PTPRB: variants seen among roughly 807,000 people sequenced by gnomAD.
PTPRB encodes the protein protein tyrosine phosphatase receptor type B.
In PTPRB, 97 loss-of-function variants were observed where a neutral mutation model predicts 238.1. The ratio of observed to expected loss-of-function variants is 0.41; its 90% CI spans 0.35 to 0.48. The LOEUF (loss-of-function observed/expected upper bound fraction) is 0.48. Ranked by LOEUF, PTPRB falls within the 20% of genes least tolerant of loss-of-function variation. The pLI, the probability that PTPRB is intolerant of heterozygous loss-of-function variation, is 0.30. For missense variants in PTPRB, 2,292 were observed against 2,681.9 expected (o/e 0.85, Z 3.21); for synonymous variants, 970 against 995.4 (o/e 0.97, Z 0.48).
At chr12:70,582,241 T>C (rs1380102065) in intron 9 of PTPRB, among the ~76,000 whole-genome samples, 1 of 152,134 alleles carries the variant, frequency 6.6e-6, no homozygotes, top group Non-Finnish European at 1.5e-5. Context: ...TCAAAGTTCA[T>C]TGACTTCTGG....
intron 4 of PTPRB, among the ~76,000 whole-genome samples, chr12:70,597,654 A>G (rs771530315): frequency 1.3e-5 from 2 of 152,188 alleles, no homozygotes; most frequent in Non-Finnish European, 2.9e-5. Flanking sequence ...TTATAATGGC[A>G]TGGCTATAGA....
Position 70,519,742 on chromosome 12 carries a change from C to A in PTPRB, c.*1747G>T. The A allele has an allele frequency of 6.5e-6, 1 of 153,046 alleles. No individual in the cohort carries two copies. The highest frequency in any genetic ancestry group is 6.5e-5 in the Admixed American group (1 of 15,328). The allele number at this position is 153,046 out of a possible 1,614,324, so 9.5% of individuals were successfully genotyped here. A position where few individuals can be genotyped will look rare whatever the true frequency, so the allele number is the denominator to read the frequency against. On this transcript the variant is annotated 3_prime_UTR_variant, in exon 34 of 34. Coordinates refer to ENST00000334414, the MANE Select transcript of PTPRB (RefSeq NM_001109754.4). ...CACTTACACATATGTTGTTCCTTTT[C>A]ATTTCCAGAAGATTCACTTAGTTCC...
intron 8 of PTPRB, among the ~76,000 whole-genome samples, chr12:70,587,537 T>G (rs1882041987): frequency 6.6e-6 from 1 of 152,212 alleles, no homozygotes; most frequent in Non-Finnish European, 1.5e-5. Flanking sequence ...TTGTATGAAT[T>G]CTGTAATACA....
chr12:70,555,113 G>C lies in PTPRB; in HGVS notation c.5143+47C>G, dbSNP rs150933967. 503 of 1,583,318 alleles carry C rather than the reference G, an allele frequency of 3.2e-4. 8 individuals are homozygous for C. The East Asian group carries it at 0.011, about 36-fold the overall frequency. The stretch of plus-strand genomic sequence containing the variant: ...GAAAGATCTCCCACATGACCTCTGA[G>C]GAAGCAATTCTGTGTCTCAGAGTGG... On this transcript the variant is annotated intron_variant, in intron 20 of 33. Coordinates refer to ENST00000334414, the MANE Select transcript of PTPRB (RefSeq NM_001109754.4).
chr12:70,593,873 A>C (rs1466736006), intron 6 of PTPRB, among the ~76,000 whole-genome samples: 3 of 152,364 alleles, frequency 2.0e-5, no homozygotes, highest in African/African-American at 7.2e-5. Flanking sequence ...GTGAGGGCAA[A>C]GACTTTGTCT....
At position 70,594,662 on chromosome 12, in the gene PTPRB, A is replaced by G; in HGVS notation, c.1321T>C (p.Ser441Pro). 1 of 1,614,016 alleles carries G rather than the reference A, an allele frequency of 6.2e-7. No individual in the cohort carries two copies. Among genetic ancestry groups the G allele is most frequent in the Non-Finnish European group, 8.5e-7 (1 of 1,179,880 alleles). Reference sequence around the variant, plus strand: ...CGTTCCACATTCCCAGAACCATGGGACCAGGAAATCAGGAGAGAATTGGCT... The same window carrying G: ...CGTTCCACATTCCCAGAACCATGGGGCCAGGAAATCAGGAGAGAATTGGCT... The part of the protein sequence containing the change: ...TKANSLLISW[S>P]HGSGNVERYR... Residue 441 changes from serine (S) to proline (P), a missense_variant, in exon 6 of 34, where the codon TCC (serine) becomes CCC (proline). Ser to Pro is a moderately conservative substitution (Grantham distance 74). Coordinates refer to ENST00000334414, the MANE Select transcript of PTPRB (RefSeq NM_001109754.4).
In PTPRB at chr12:70,549,351, G is replaced by A. The variant is rs558509371; in HGVS notation, c.5387+3426C>T. Among the ~76,000 whole-genome samples, 6 of 152,252 alleles carry A rather than the reference G, an allele frequency of 3.9e-5. No homozygotes were observed. In the East Asian group the frequency reaches 1.2e-3, roughly 29 times the overall value. ...CTGACCACCTTACTATGGTCACACT[G>A]CTCTTCTATTTAGAATAAAAACAAA... On this transcript the variant is annotated intron_variant, in intron 21 of 33. Coordinates refer to ENST00000334414, the MANE Select transcript of PTPRB (RefSeq NM_001109754.4).
At chr12:70,547,467 T>G (rs1315206146) in intron 21 of PTPRB, among the ~76,000 whole-genome samples, 1 of 152,218 alleles carries the variant, frequency 6.6e-6, no homozygotes, top group Non-Finnish European at 1.5e-5. Context: ...GATAAGAGTT[T>G]CTTATTTATA....
chr12:70,570,910 C>G lies in PTPRB; in HGVS notation c.3370+116G>C, dbSNP rs1565958056. On this transcript the variant is annotated intron_variant, in intron 13 of 33. Coordinates refer to ENST00000334414, the MANE Select transcript of PTPRB (RefSeq NM_001109754.4). ...ATTGTCACTATCAACATGACTTTGTCCCTTCTTGCTGTCTCCCTTTTATCC... is the reference window on the plus strand; with the variant it reads ...ATTGTCACTATCAACATGACTTTGTGCCTTCTTGCTGTCTCCCTTTTATCC... The G allele has an allele frequency of 4.5e-6, 5 of 1,110,098 alleles. No homozygotes were observed. The South Asian group carries it at 7.9e-5, about 18-fold the overall frequency. 68.8% of individuals were successfully genotyped at this position (1,110,098 alleles called of 1,614,324 possible).
intron 3 of PTPRB, among the ~76,000 whole-genome samples, chr12:70,620,877 A>T (rs762862007): frequency 4.1e-4 from 62 of 152,338 alleles, no homozygotes; most frequent in Non-Finnish European, 7.6e-4. Context: ...GTGGATAAAG[A>T]GAAATTACTT....
intron 3 of PTPRB, among the ~76,000 whole-genome samples, chr12:70,610,962 G>A (rs1884413938): frequency 6.6e-6 from 1 of 152,140 alleles, no homozygotes; most frequent in East Asian, 1.9e-4. Context: ...TACCCAAACG[G>A]TTATTTATCT....
chr12:70,528,407 G>A (rs952898150), intron 32 of PTPRB, among the ~76,000 whole-genome samples: 6 of 152,036 alleles, frequency 3.9e-5, no homozygotes, highest in African/African-American at 1.4e-4. Context: ...GGTGGCAGTG[G>A]TGGCGAAGGA....
intron 3 of PTPRB, among the ~76,000 whole-genome samples, chr12:70,610,184 C>A (rs945464861): frequency 6.6e-6 from 1 of 152,214 alleles, no homozygotes; most frequent in African/African-American, 2.4e-5. Context: ...GAGGAGCCAA[C>A]GCCTGAGCCT....
chr12:70,555,860 G>A lies in PTPRB; in HGVS notation c.4993+10C>T, dbSNP rs541723694. ...CAGGAGGCTCTGTGCGCACCTCCAG[G>A]GACACTTACGGTCTATCATTGTGAT... On this transcript the variant is annotated intron_variant, in intron 19 of 33. Coordinates refer to ENST00000334414, the MANE Select transcript of PTPRB (RefSeq NM_001109754.4). 1.9e-6 allele frequency: 3 copies of A among 1,611,120 alleles called. No individual in the cohort carries two copies. The highest frequency in any genetic ancestry group is 2.7e-5 in the African/African-American group (2 of 74,926).
In PTPRB at chr12:70,622,267, C is replaced by T. The variant is rs1435133779; in HGVS notation, c.708+123G>A. ...TTTCCTGTACAATTAGCAGCCAGGA[C>T]ACAGGGTGAGAGTGCCTAATCCCCC... On this transcript the variant is annotated intron_variant, in intron 3 of 33. Coordinates refer to ENST00000334414, the MANE Select transcript of PTPRB (RefSeq NM_001109754.4). 6.6e-6 allele frequency: 9 copies of T among 1,368,636 alleles called. No individual in the cohort carries two copies. The Admixed American group carries it at 2.0e-4, about 30-fold the overall frequency. The allele number at this position is 1,368,636 out of a possible 1,614,324, so 84.8% of individuals were successfully genotyped here.
At chr12:70,582,989 C>G (rs1330317320) in intron 9 of PTPRB, among the ~76,000 whole-genome samples, 1 of 152,114 alleles carries the variant, frequency 6.6e-6, no homozygotes. Context: ...ACCACATGAG[C>G]TATCATTATC....
At chr12:70,571,693 G>T in intron 12 of PTPRB, 131 bp downstream of exon 12, 1 of 1,039,820 alleles carries the variant, frequency 9.6e-7, no homozygotes, top group Non-Finnish European at 1.4e-6. Context: ...GCTGAATGAT[G>T]TTAGCACCAA....
At chr12:70,635,225 C>T (rs1206956839) in intron 2 of PTPRB, among the ~76,000 whole-genome samples, 1 of 152,154 alleles carries the variant, frequency 6.6e-6, no homozygotes, top group Non-Finnish European at 1.5e-5. Context: ...TATCAAGCAC[C>T]ATTCTGATGT....
intron 16 of PTPRB, among the ~76,000 whole-genome samples, chr12:70,562,056 G>T (rs931567566): frequency 6.6e-6 from 1 of 152,220 alleles, no homozygotes; most frequent in Non-Finnish European, 1.5e-5. Flanking sequence ...GATTGCTTTA[G>T]CCCAGGAGTT....
Sources: gnomAD v4.1 joint callset for allele counts (sites outside exome capture counted in the v4.1 genomes callset) on GRCh38, gnomAD v4.1.1 for gene constraint, MANE v1.5 for transcripts, NCBI Gene and HGNC (gene_info 2026-07-23, HGNC 2026-07-21) for gene names.